Variants in ZFY observed in about 807,000 individuals in gnomAD.
ZFY encodes zinc finger protein Y-linked.
For synonymous variants in ZFY, 47 were observed against 55.8 expected (o/e 0.84, Z 0.71); for missense variants, 113 against 170.9 (o/e 0.66, Z 1.89).
At chrY:2,947,711 A>G in intron 1 of ZFY, among the ~76,000 whole-genome samples, 1 of 33,742 alleles carries the variant, frequency 3.0e-5, no homozygotes, top group African/African-American at 1.2e-4. Context: ...TAACAAAGAC[A>G]ATGTGTTGAG....
At chrY:2,965,558 G>A in intron 3 of ZFY, among the ~76,000 whole-genome samples, 3 of 33,105 alleles carry the variant, frequency 9.1e-5, no homozygotes, top group African/African-American at 3.6e-4. Context: ...TGAACATACT[G>A]GTTTTTAAGG....
intron 2 of ZFY, among the ~76,000 whole-genome samples, chrY:2,956,495 T>C: frequency 3.0e-5 from 1 of 33,297 alleles, no homozygotes; most frequent in Non-Finnish European, 7.4e-5. Flanking sequence ...ATAAGGAACA[T>C]GCAACCTAGA....
chrY:2,953,857 T>G, intron 1 of ZFY, 52 bp from the exon 2 acceptor site: 1 of 222,409 alleles, frequency 4.5e-6, no homozygotes, highest in Non-Finnish European at 7.2e-6. Context: ...TCATGACATT[T>G]TAATATGTGA....
intron 1 of ZFY, among the ~76,000 whole-genome samples, chrY:2,938,220 AG>A (rs2051224035): frequency 7.7e-5 from 1 of 13,050 alleles, no homozygotes; most frequent in African/African-American, 3.2e-4. Context: ...GGTGTTAGCC[AG>A]GATGGTCTCC....
At chrY:2,938,983 TTA>T (rs765202788) in intron 1 of ZFY, among the ~76,000 whole-genome samples, 459 of 5,106 alleles carry the variant, frequency 0.09, no homozygotes, top group African/African-American at 0.17. Context: ...CATACAGTGC[TTA>T]TATATATATA....
chrY:2,943,922 A>G (rs2124500735), intron 1 of ZFY, among the ~76,000 whole-genome samples: 1 of 33,786 alleles, frequency 3.0e-5, no homozygotes, highest in South Asian at 6.5e-4. Context: ...AACAGCAGTG[A>G]ATAGAAAAGT....
chrY:2,977,852 G>A, intron 6 of ZFY, 88 bp from the exon 7 acceptor site: 2 of 187,872 alleles, frequency 1.1e-5, no homozygotes, highest in Non-Finnish European at 1.6e-5. Context: ...ATTCATGAGT[G>A]TCAGGACTTC....
chrY:2,972,077 AAGAG>A, intron 3 of ZFY, among the ~76,000 whole-genome samples: 1 of 31,638 alleles, frequency 3.2e-5, no homozygotes, highest in Non-Finnish European at 7.7e-5. Context: ...AAAAAAAAAA[AAGAG>A]AGATTTTAAC....
At position 2,961,587 on chromosome Y, in the gene ZFY, T is replaced by G. The variant is rs756302064; in HGVS notation, c.575T>G (p.Ile192Ser). Reference protein sequence around the residue: ...APEAVIDASGISVDQQDNDKA... With the variant: ...APEAVIDASGSSVDQQDNDKA... ...GAAGCAGTCATAGATGCCAGCGGGATCTCAGTGGACCAGCAAGATAATGAC... is the reference window on the plus strand; with the variant it reads ...GAAGCAGTCATAGATGCCAGCGGGAGCTCAGTGGACCAGCAAGATAATGAC... Residue 192 changes from isoleucine (I) to serine (S), a missense_variant, in exon 3 of 8, where the codon ATC (isoleucine) becomes AGC (serine). Ile to Ser is a moderately radical substitution (Grantham distance 142). Coordinates refer to ENST00000155093, the MANE Select transcript of ZFY (RefSeq NM_003411.4). 7 of 398,965 alleles carry G rather than the reference T, an allele frequency of 1.8e-5. No individual in the cohort carries two copies. In the South Asian group the frequency reaches 2.1e-4, roughly 12 times the overall value.
chrY:2,978,284 C>T (rs2051384911), intron 7 of ZFY, among the ~76,000 whole-genome samples: 2 of 33,686 alleles, frequency 5.9e-5, no homozygotes, highest in African/African-American at 2.3e-4. Context: ...AAATAAATTT[C>T]TAAAATGTTA....
At chrY:2,955,251 A>C in intron 2 of ZFY, among the ~76,000 whole-genome samples, 1 of 32,888 alleles carries the variant, frequency 3.0e-5, no homozygotes, top group Admixed American at 2.8e-4. Context: ...CAAATGTAAA[A>C]TAACATCCAC....
intron 1 of ZFY, among the ~76,000 whole-genome samples, chrY:2,941,499 A>AT (rs2051241092): frequency 2.8e-3 from 71 of 25,256 alleles, no homozygotes; most frequent in South Asian, 0.011. Flanking sequence ...TCATTACCAA[A>AT]TTTTTTTTTT....
intron 5 of ZFY, among the ~76,000 whole-genome samples, chrY:2,976,446 GA>G (rs2051371132): frequency 3.2e-5 from 1 of 31,655 alleles, no homozygotes; most frequent in Non-Finnish European, 7.7e-5. Context: ...ACCAATATTT[GA>G]AAAAAAATAA....
Position 2,953,976 on chromosome Y carries a change from A to G in ZFY, c.40A>G (p.Asn14Asp). 1 of 396,321 alleles carries G rather than the reference A, an allele frequency of 2.5e-6. No homozygotes were observed. Reference protein sequence around the residue: ...DEFELQPQEPNSFFDGIGADA... With the variant: ...DEFELQPQEPDSFFDGIGADA... Reference sequence around the variant, plus strand: ...ATTTGAATTGCAGCCACAAGAGCCAAACTCATTTTTTGATGGAATAGGTAT... The same window carrying G: ...ATTTGAATTGCAGCCACAAGAGCCAGACTCATTTTTTGATGGAATAGGTAT... Residue 14 changes from asparagine (N) to aspartate (D), a missense_variant, in exon 2 of 8, where the codon AAC (asparagine) becomes GAC (aspartate). Transcript: ENST00000155093.
chrY:2,964,316 TGATTGG>T (rs2051319485), intron 3 of ZFY, among the ~76,000 whole-genome samples: 8 of 32,887 alleles, frequency 2.4e-4, no homozygotes, highest in Admixed American at 2.8e-4. Context: ...GGAGACCTTC[TGATTGG>T]GCTTTAGAAA....
At chrY:2,976,873 A>T in intron 6 of ZFY, 51 bp downstream of exon 6, 1 of 364,029 alleles carries the variant, frequency 2.7e-6, no homozygotes, top group Non-Finnish European at 3.9e-6. Flanking sequence ...ACATTAATTC[A>T]CTGTTGAAAG....
intron 3 of ZFY, among the ~76,000 whole-genome samples, chrY:2,968,139 C>A: frequency 3.1e-5 from 1 of 32,347 alleles, no homozygotes. Flanking sequence ...TAGAAAAAGA[C>A]TCAAGAATGG....
chrY:2,946,533 A>G (rs747558795), intron 1 of ZFY, among the ~76,000 whole-genome samples: 30 of 32,825 alleles, frequency 9.1e-4, no homozygotes, highest in South Asian at 7.9e-3. Flanking sequence ...CAGGCAGTAG[A>G]AAATCAGTGT....
At chrY:2,952,539 T>C in intron 1 of ZFY, among the ~76,000 whole-genome samples, 1 of 33,819 alleles carries the variant, frequency 3.0e-5, no homozygotes, top group Non-Finnish European at 7.3e-5. Flanking sequence ...GCCTTTTTAT[T>C]TGAAGCAGTT....
Sources: gnomAD v4.1 joint callset for allele counts (sites outside exome capture counted in the v4.1 genomes callset) on GRCh38, gnomAD v4.1.1 for gene constraint, MANE v1.5 for transcripts, NCBI Gene and HGNC (gene_info 2026-07-23, HGNC 2026-07-21) for gene names.